Variants in CCDC88C observed in about 807,000 individuals in gnomAD.
The protein encoded by CCDC88C is coiled-coil and HOOK domain protein 88C, also known as protein Daple.
In CCDC88C, 131 loss-of-function variants were observed where a neutral mutation model predicts 198.8. The ratio of observed to expected loss-of-function variants is 0.66; its 90% CI spans 0.57 to 0.76. The LOEUF (loss-of-function observed/expected upper bound fraction) is 0.76. Ranked by LOEUF, CCDC88C falls within the 30% of genes least tolerant of loss-of-function variation. CCDC88C has a pLI of 0.00. For synonymous variants in CCDC88C, 1,166 were observed against 1,114.7 expected (o/e 1.05, Z -0.92); for missense variants, 2,553 against 2,631.6 (o/e 0.97, Z 0.65).
chr14:91,293,372 T>C (rs1890786082), intron 23 of CCDC88C, among the ~76,000 whole-genome samples: 1 of 53,664 alleles, frequency 1.9e-5, no homozygotes, highest in African/African-American at 1.0e-4. Flanking sequence ...CGGCCCACCT[T>C]CCTGCCCCCT....
At chr14:91,321,499 T>A (rs1170618075) in intron 12 of CCDC88C, among the ~76,000 whole-genome samples, 195 bp from the exon 13 acceptor site, 1 of 152,192 alleles carries the variant, frequency 6.6e-6, no homozygotes, top group Non-Finnish European at 1.5e-5. Context: ...CAGGCTTTGC[T>A]GGGGTCTGTC....
Position 91,321,256 on chromosome 14 carries a change from C to T in CCDC88C, c.1391G>A (p.Arg464His), listed in dbSNP as rs587782989. ...ATTCTCCTTCTCCAGCTTCAGGATG[C>T]GGCTGGACGCACATTCGTTCAGCTC... ...VFELNECASSRILKLEKENQS... is the reference protein window; with the variant it reads ...VFELNECASSHILKLEKENQS... The change falls in exon 13 of 30, where the codon CGC (arginine) becomes CAC (histidine). Residue 464 changes from arginine (R) to histidine (H), a missense_variant. Physicochemically the swap from Arg to His is conservative, Grantham distance 29. Coordinates refer to ENST00000389857, the MANE Select transcript of CCDC88C (RefSeq NM_001080414.4). 166 of 1,584,260 alleles carry T rather than the reference C, an allele frequency of 1.0e-4. No individual in the cohort carries two copies. In the East Asian group the frequency reaches 3.3e-3, roughly 32 times the overall value.
intron 12 of CCDC88C, among the ~76,000 whole-genome samples, chr14:91,322,723 C>G (rs1292186974): frequency 1.3e-5 from 2 of 152,122 alleles, no homozygotes; most frequent in African/African-American, 2.4e-5. Flanking sequence ...TACAAGCACA[C>G]TTTTCTGCAA....
Position 91,305,950 on chromosome 14 carries a change from G to A in CCDC88C, c.3196-24C>T, listed in dbSNP as rs377387546. On this transcript the variant is annotated intron_variant, in intron 18 of 29. Coordinates refer to ENST00000389857, the MANE Select transcript of CCDC88C (RefSeq NM_001080414.4). The stretch of plus-strand genomic sequence containing the variant: ...TTCTAGAAGATCGGGAGGCATGAGC[G>A]AATCAAACTCCAACTGGGTAAATGC... 362 of 1,605,526 alleles carry A rather than the reference G, an allele frequency of 2.3e-4. No individual in the cohort carries two copies. In the African/African-American group the frequency reaches 4.3e-3, roughly 19 times the overall value.
At chr14:91,398,845 C>A (rs1336487403) in intron 3 of CCDC88C, among the ~76,000 whole-genome samples, 2 of 152,184 alleles carry the variant, frequency 1.3e-5, no homozygotes, top group Non-Finnish European at 2.9e-5. Context: ...CAGCAGCCTG[C>A]AGCCCTGGGG....
intron 10 of CCDC88C, among the ~76,000 whole-genome samples, chr14:91,330,560 G>A (rs764783600): frequency 7.2e-5 from 11 of 152,162 alleles, no homozygotes; most frequent in South Asian, 2.1e-4. Context: ...ACCCGCCTCC[G>A]GACAAGGACA....
At chr14:91,413,318 T>C (rs988666265) in intron 2 of CCDC88C, among the ~76,000 whole-genome samples, 2 of 152,130 alleles carry the variant, frequency 1.3e-5, no homozygotes, top group African/African-American at 2.4e-5. Flanking sequence ...CTCCCCCAAA[T>C]TGGTAAAATA....
At chr14:91,283,596 G>A (rs562720610) in intron 25 of CCDC88C, 79 bp from the exon 26 acceptor site, 2 of 1,321,634 alleles carry the variant, frequency 1.5e-6, no homozygotes, top group South Asian at 2.7e-5. Flanking sequence ...TGGCCTAGAA[G>A]CAGGGCAGCA....
chr14:91,278,049 T>G lies in CCDC88C; in HGVS notation c.4931A>C (p.Glu1644Ala). Residue 1644 changes from glutamate to alanine, a missense_variant, in exon 29 of 30, where the codon GAG becomes GCG. Physicochemically the swap from Glu to Ala is moderately radical, Grantham distance 107. Transcript: ENST00000389857. ...GGCTGTGCCCCTCTTCTGGGCACCCTCCTGTGGGAGAGGCCCGTTCCGAGG... is the reference window on the plus strand; with the variant it reads ...GGCTGTGCCCCTCTTCTGGGCACCCGCCTGTGGGAGAGGCCCGTTCCGAGG... ...PLPRNGPLPQEGAQKRGTAPP... is the reference protein window; with the variant it reads ...PLPRNGPLPQAGAQKRGTAPP... 4.3e-6 allele frequency: 7 copies of G among 1,609,460 alleles called. No homozygotes were observed. The highest frequency in any genetic ancestry group is 5.9e-6 in the Non-Finnish European group (7 of 1,178,054).
intron 3 of CCDC88C, among the ~76,000 whole-genome samples, chr14:91,389,381 CA>C (rs1885347345): frequency 1.3e-5 from 2 of 152,282 alleles, no homozygotes; most frequent in African/African-American, 4.8e-5. Context: ...ATTCCAAGTT[CA>C]AAGTCAAGGT....
chr14:91,347,107 T>G (rs1317314155), intron 4 of CCDC88C, among the ~76,000 whole-genome samples: 1 of 152,118 alleles, frequency 6.6e-6, no homozygotes, highest in Non-Finnish European at 1.5e-5. Flanking sequence ...CTTGTCTTCC[T>G]ACAATGAGAC....
chr14:91,282,170 T>A (rs1890225934), intron 26 of CCDC88C, among the ~76,000 whole-genome samples: 1 of 152,200 alleles, frequency 6.6e-6, no homozygotes, highest in African/African-American at 2.4e-5. Flanking sequence ...GATGGTGACA[T>A]GCCCACCTGC....
chr14:91,324,753 G>T, intron 12 of CCDC88C, 26 bp downstream of exon 12: 5 of 1,605,626 alleles, frequency 3.1e-6, no homozygotes, highest in Non-Finnish European at 4.2e-6. Flanking sequence ...GGCCAGGCTG[G>T]CTCCCCGGCA....
At chr14:91,417,440 G>A (rs1887125489) in intron 1 of CCDC88C, 191 bp downstream of exon 1, 1 of 575,026 alleles carries the variant, frequency 1.7e-6, no homozygotes, top group Non-Finnish European at 3.0e-6. Context: ...CACAACGGGG[G>A]CGCCGGCTCC....
At chr14:91,359,035 G>A (rs1894172903) in intron 4 of CCDC88C, among the ~76,000 whole-genome samples, 2 of 152,152 alleles carry the variant, frequency 1.3e-5, no homozygotes, top group Non-Finnish European at 2.9e-5. Flanking sequence ...CACACTTACT[G>A]AGGAGGTGAG....
rs1890320182 is a variant in CCDC88C at position 91,284,435 on chromosome 14, A to C, written c.4442-918T>G. ...TGGATTTTGAAAGATAACCTTGATG[A>C]GAAGCAAGATTCAAGTCTGCCTGAA... On this transcript the variant is annotated intron_variant, in intron 25 of 29. Coordinates refer to ENST00000389857, the MANE Select transcript of CCDC88C (RefSeq NM_001080414.4). This position sits in a 1 kb window ranked among gnomAD's most constrained non-coding sequence, Gnocchi z 4.1. Among the ~76,000 whole-genome samples the C allele has an allele frequency of 6.6e-6, 1 of 152,240 alleles. No individual in the cohort carries two copies. The highest frequency in any genetic ancestry group is 1.5e-5 in the Non-Finnish European group (1 of 68,038).
chr14:91,410,956 C>T (rs1340811449), intron 2 of CCDC88C, among the ~76,000 whole-genome samples: 6 of 152,162 alleles, frequency 3.9e-5, no homozygotes, highest in African/African-American at 1.2e-4. Context: ...GGGTCGGGAA[C>T]CTGGGAGTCC....
At chr14:91,333,098 A>G (rs1892903038) in intron 10 of CCDC88C, among the ~76,000 whole-genome samples, 1 of 152,174 alleles carries the variant, frequency 6.6e-6, no homozygotes. Context: ...ACACACGCAG[A>G]TGTGTTCATA....
intron 23 of CCDC88C, among the ~76,000 whole-genome samples, chr14:91,293,561 T>C (rs762869700): frequency 0.012 from 874 of 74,838 alleles, 174 homozygotes; most frequent in South Asian, 0.027. Context: ...TCCCCTCGCC[T>C]GCCACGGCCC....
Sources: gnomAD v4.1 joint callset for allele counts (sites outside exome capture counted in the v4.1 genomes callset) on GRCh38, gnomAD v4.1.1 for gene constraint, Gnocchi (gnomAD v3.1) non-coding constraint, MANE v1.5 for transcripts, NCBI Gene and HGNC (gene_info 2026-07-23, HGNC 2026-07-21) for gene names.